Variants in ACCSL observed in about 807,000 individuals in gnomAD.
ACCSL encodes the protein 1-aminocyclopropane-1-carboxylate synthase homolog (inactive) like.
ACCSL carries 55 observed loss-of-function variants against 61.7 expected under a neutral mutation model. The observed-to-expected ratio is 0.89, with a 90% CI of 0.72 to 1.12. The LOEUF (loss-of-function observed/expected upper bound fraction) is 1.12. Among genes scored for constraint, ACCSL ranks in the 50% most tolerant of loss-of-function variants. The pLI is 0.00. For synonymous variants in ACCSL, 258 were observed against 264.3 expected (o/e 0.98, Z 0.23); for missense variants, 632 against 698.0 (o/e 0.91, Z 1.07).
In ACCSL at chr11:44,055,264, C is replaced by T. The variant is rs2134774121; in HGVS notation, c.1112C>T (p.Thr371Ile). Residue 371 changes from threonine (T) to isoleucine (I), a missense_variant, in exon 9 of 14, where the codon ACA becomes ATA. Physicochemically the swap from Thr to Ile is moderately conservative, Grantham distance 89. Coordinates refer to ENST00000378832, the MANE Select transcript of ACCSL (RefSeq NM_001031854.2). ...YMLSVFDESI[T>I]FHSILSMKSL... The stretch of plus-strand genomic sequence containing the variant: ...CTGTCTGTGTTTGATGAATCCATCA[C>T]ATTCCACAGCATTCTGAGCATGAAA... The T allele has an allele frequency of 2.5e-6, 4 of 1,612,932 alleles. No individual in the cohort carries two copies. The highest frequency in any genetic ancestry group is 3.4e-6 in the Non-Finnish European group (4 of 1,179,088).
chr11:44,012,449 G>C, the ACCSL span, among the ~76,000 whole-genome samples: 2 of 152,076 alleles, frequency 1.3e-5, no homozygotes, highest in Admixed American at 1.3e-4. Flanking sequence ...ACCATGTCCA[G>C]CAAATTTTTG....
the ACCSL span, among the ~76,000 whole-genome samples, chr11:43,948,336 T>C: frequency 6.7e-6 from 1 of 149,802 alleles, no homozygotes; most frequent in Admixed American, 6.7e-5. Context: ...AGTGAGCACC[T>C]CCGATCAACA....
At position 44,056,062 on chromosome 11, in the gene ACCSL, C is replaced by A. The variant is rs1386782123; in HGVS notation, c.1162C>A (p.His388Asn). 6.2e-7 allele frequency: 1 copy of A among 1,614,132 alleles called. No individual in the cohort carries two copies. Among genetic ancestry groups the A allele is most frequent in the Non-Finnish European group, 8.5e-7 (1 of 1,180,050 alleles). ...MKSLPDSNRTHVIWGTSKDFG... is the reference protein window; with the variant it reads ...MKSLPDSNRTNVIWGTSKDFG... The stretch of plus-strand genomic sequence containing the variant: ...CAGTTTGCCTGATAGCAACAGGACC[C>A]ATGTGATCTGGGGTACCAGTAAGGT... Residue 388 changes from histidine (H) to asparagine (N), a missense_variant, in exon 10 of 14, where the codon CAT (histidine) becomes AAT (asparagine). By Grantham distance (68) the His-to-Asn change is moderately conservative (BLOSUM62 1). Coordinates refer to ENST00000378832, the MANE Select transcript of ACCSL (RefSeq NM_001031854.2).
the ACCSL span, chr11:43,933,308 A>G: frequency 2.6e-6 from 1 of 382,696 alleles, no homozygotes; most frequent in South Asian, 1.9e-5. Context: ...TGAGGGAGTA[A>G]TGTCAGATGG....
At chr11:43,940,832 T>C in the ACCSL span, among the ~76,000 whole-genome samples, 1 of 152,180 alleles carries the variant, frequency 6.6e-6, no homozygotes, top group Admixed American at 6.5e-5. Flanking sequence ...GCCCAGACAC[T>C]CTCTTCCCAC....
the ACCSL span, among the ~76,000 whole-genome samples, chr11:43,965,418 G>A: frequency 4.6e-5 from 7 of 152,030 alleles, no homozygotes; most frequent in Admixed American, 1.3e-4. Context: ...CTTGTACACC[G>A]AAAACTACAA....
chr11:44,055,476 G>A (rs775034390), intron 9 of ACCSL, among the ~76,000 whole-genome samples, 185 bp downstream of exon 9: 2 of 152,222 alleles, frequency 1.3e-5, no homozygotes, highest in African/African-American at 2.4e-5. Context: ...ATGCCATTTT[G>A]TGTAGAAGAT....
the ACCSL span, among the ~76,000 whole-genome samples, chr11:43,949,131 T>C: frequency 6.6e-6 from 1 of 152,198 alleles, no homozygotes. Context: ...CACACAGGCA[T>C]GACTCCTTTT....
chr11:44,053,569 C>T, intron 8 of ACCSL, 63 bp downstream of exon 8: 2 of 1,459,088 alleles, frequency 1.4e-6, no homozygotes, highest in South Asian at 2.3e-5. Context: ...CACTTATAGT[C>T]AAGTAATCAA....
chr11:43,980,578 C>A, the ACCSL span, among the ~76,000 whole-genome samples: 1 of 152,164 alleles, frequency 6.6e-6, no homozygotes, highest in African/African-American at 2.4e-5. Context: ...ATTACCTATT[C>A]ATGTTCTTTG....
the ACCSL span, among the ~76,000 whole-genome samples, chr11:43,972,259 C>CA: frequency 6.6e-6 from 1 of 152,190 alleles, no homozygotes; most frequent in Non-Finnish European, 1.5e-5. Flanking sequence ...CCACACCAGG[C>CA]AAGTGGCAGA....
At chr11:44,018,743 G>T in the ACCSL span, among the ~76,000 whole-genome samples, 115 of 152,324 alleles carry the variant, frequency 7.5e-4, no homozygotes, top group Admixed American at 3.3e-3. Context: ...CAAGGTAGGA[G>T]AATCACTTGA....
At chr11:43,967,525 C>T in the ACCSL span, among the ~76,000 whole-genome samples, 2 of 152,082 alleles carry the variant, frequency 1.3e-5, no homozygotes, top group Non-Finnish European at 2.9e-5. Context: ...GTCTTTCTCT[C>T]CCATTTCTTT....
the ACCSL span, chr11:43,942,962 C>A: frequency 6.7e-7 from 1 of 1,485,104 alleles, no homozygotes. Flanking sequence ...GGCGGTGATG[C>A]CGCACTTCGT....
At chr11:44,008,128 C>T in the ACCSL span, among the ~76,000 whole-genome samples, 14 of 152,246 alleles carry the variant, frequency 9.2e-5, no homozygotes, top group African/African-American at 2.4e-4. Flanking sequence ...CTTCAGTGCC[C>T]AGAGGGCATC....
intron 1 of ACCSL, 135 bp from the exon 2 acceptor site, chr11:44,049,927 T>C (rs755546044): frequency 1.8e-5 from 21 of 1,196,772 alleles, no homozygotes; most frequent in Middle Eastern, 1.9e-4. Flanking sequence ...AAAGCTTTCC[T>C]AACGTGTAAA....
At chr11:43,983,942 C>T in the ACCSL span, among the ~76,000 whole-genome samples, 4 of 152,086 alleles carry the variant, frequency 2.6e-5, no homozygotes, top group East Asian at 7.7e-4. Flanking sequence ...ATGGTGAAAC[C>T]CCCTCTCTAC....
intron 9 of ACCSL, 72 bp downstream of exon 9, chr11:44,055,363 C>T (rs1590432130): frequency 2.4e-6 from 3 of 1,233,732 alleles, no homozygotes; most frequent in Non-Finnish European, 3.5e-6. Context: ...GTTTATGTGA[C>T]ATGAACTTAA....
the ACCSL span, among the ~76,000 whole-genome samples, chr11:44,011,499 TC>T: frequency 6.6e-6 from 1 of 152,198 alleles, no homozygotes; most frequent in African/African-American, 2.4e-5. Context: ...TGTAAACACG[TC>T]CACATAAGTT....
Sources: allele counts gnomAD v4.1 joint callset (sites outside exome capture counted in the v4.1 genomes callset), GRCh38; gene constraint gnomAD v4.1.1; transcripts MANE v1.5; gene names NCBI Gene and HGNC (gene_info 2026-07-23, HGNC 2026-07-21).